PLPBP: variants seen among roughly 807,000 people sequenced by gnomAD.
The protein encoded by PLPBP is pyridoxal phosphate homeostasis protein.
A neutral mutation model predicts 31.2 loss-of-function variants in PLPBP; 21 were observed. The ratio of observed to expected loss-of-function variants is 0.67; its 90% CI spans 0.48 to 0.97. PLPBP has a LOEUF of 0.97. Ranked by LOEUF, PLPBP falls within the 50% of genes least tolerant of loss-of-function variation. The pLI is 0.00. For synonymous variants in PLPBP, 124 were observed against 135.6 expected, an observed-to-expected ratio of 0.91 and a Z score of 0.59; for missense variants, 308 against 354.4, an observed-to-expected ratio of 0.87 and a Z score of 1.05.
intron 5 of PLPBP, 81 bp from the exon 6 acceptor site, chr8:37,775,258 C>A: frequency 6.5e-7 from 1 of 1,533,524 alleles, no homozygotes; most frequent in South Asian, 1.1e-5. Context: ...CCTCTTCTGT[C>A]GTAAGGAAGG....
At chr8:37,773,390 G>C (rs1178385225) in intron 5 of PLPBP, among the ~76,000 whole-genome samples, 1 of 151,222 alleles carries the variant, frequency 6.6e-6, no homozygotes, top group East Asian at 2.0e-4. Flanking sequence ...CTGCTCTCGA[G>C]CTCATGACCT....
chr8:37,776,840 C>T (rs1803926575), intron 7 of PLPBP, among the ~76,000 whole-genome samples: 1 of 152,118 alleles, frequency 6.6e-6, no homozygotes. Context: ...GATCTCAGCT[C>T]ACTGTAACCT....
chr8:37,777,931 A>G, intron 7 of PLPBP, 42 bp from the exon 8 acceptor site: 1 of 1,582,998 alleles, frequency 6.3e-7, no homozygotes, highest in African/African-American at 1.3e-5. Context: ...CCATTTTATT[A>G]TTTTAAACCT....
At position 37,775,456 on chromosome 8, in the gene PLPBP, G is replaced by A. The variant is rs1266351424; in HGVS notation, c.572G>A (p.Ser191Asn). Residue 191 changes from serine to asparagine, a missense_variant, in exon 6 of 8, where the codon AGT becomes AAT. Physicochemically the swap from Ser to Asn is conservative, Grantham distance 46 (BLOSUM62 1). Coordinates refer to ENST00000328195, the MANE Select transcript of PLPBP (RefSeq NM_007198.4). ...ATAGGAAGCTTTGGGCATGATCTTA[G>A]TCAAGGACCAAATCCAGACTTCCAG... ...MTIGSFGHDL[S>N]QGPNPDFQLL... 5.0e-6 allele frequency: 8 copies of A among 1,614,022 alleles called. No homozygotes were observed. The highest frequency in any genetic ancestry group is 6.8e-6 in the Non-Finnish European group (8 of 1,180,058).
chr8:37,763,078 C>T, intron 1 of PLPBP, among the ~76,000 whole-genome samples: 1 of 152,144 alleles, frequency 6.6e-6, no homozygotes. Flanking sequence ...GGGGGCCAGG[C>T]CTGTGCCCAC....
intron 7 of PLPBP, among the ~76,000 whole-genome samples, chr8:37,776,606 T>C (rs901013443): frequency 4.6e-5 from 7 of 151,386 alleles, no homozygotes; most frequent in African/African-American, 1.7e-4. Context: ...AAGAAATTAA[T>C]TATAATTATA....
intron 7 of PLPBP, among the ~76,000 whole-genome samples, chr8:37,777,249 T>C (rs761071146): frequency 2.0e-5 from 3 of 152,256 alleles, no homozygotes; most frequent in Non-Finnish European, 2.9e-5. Context: ...ATTGTATTTC[T>C]TAAAACAGTG....
Position 37,766,951 on chromosome 8 carries a change from G to A in PLPBP, c.319+596G>A, listed in dbSNP as rs149592463. Reference sequence around the variant, plus strand: ...AGTCCCAGCTACACAGGAGGCTGACGCAGGAGAATCGCATGAACCCGGGAG... The same window carrying A: ...AGTCCCAGCTACACAGGAGGCTGACACAGGAGAATCGCATGAACCCGGGAG... On this transcript the variant is annotated intron_variant, in intron 4 of 7. Transcript: ENST00000328195. Among the ~76,000 whole-genome samples, 734 of 148,472 alleles carry A rather than the reference G, an allele frequency of 4.9e-3. 8 individuals are homozygous for A. The highest frequency in any genetic ancestry group is 0.031 in the South Asian group (145 of 4,698).
rs1803979159 is a variant in PLPBP, at chr8:37,778,620, G to T, written c.*516G>T. ...AGATATTCCCAACTGTGGAATGGCA[G>T]TGTAGGTAGCTTCAGGAAATGGCTC... On this transcript the variant is annotated 3_prime_UTR_variant, in exon 8 of 8. Coordinates refer to ENST00000328195, the MANE Select transcript of PLPBP (RefSeq NM_007198.4). 6.6e-6 allele frequency: 1 copy of T among 152,482 alleles called. No individual in the cohort carries two copies. Among genetic ancestry groups the T allele is most frequent in the Non-Finnish European group, 1.5e-5 (1 of 68,270 alleles). 9.4% of individuals were successfully genotyped at this position (152,482 alleles called of 1,614,324 possible).
Position 37,768,059 on chromosome 8 carries a change from C to G in PLPBP, c.319+1704C>G, listed in dbSNP as rs530801984. Among the ~76,000 whole-genome samples the G allele has an allele frequency of 8.3e-4, 127 of 152,176 alleles. 1 individual carries two copies. The highest frequency in any genetic ancestry group is 5.9e-5 in the Non-Finnish European group (4 of 67,992). On this transcript the variant is annotated intron_variant, in intron 4 of 7. Transcript: ENST00000328195. ...TGACCTTGTGATCCACCCGCCTCAGCCTCCGAAAGTGCTAGGATTGCAGGC... is the reference window on the plus strand; with the variant it reads ...TGACCTTGTGATCCACCCGCCTCAGGCTCCGAAAGTGCTAGGATTGCAGGC...
chr8:37,772,785 T>C lies in PLPBP; in HGVS notation c.350T>C (p.Val117Ala), dbSNP rs1326621819. ...AVPNLFMLET[V>A]DSVKLADKVN... ...CCCAATCTCTTCATGCTGGAAACAGTGGATTCTGTGAAGTTGGCAGACAAA... is the reference window on the plus strand; with the variant it reads ...CCCAATCTCTTCATGCTGGAAACAGCGGATTCTGTGAAGTTGGCAGACAAA... The change falls in exon 5 of 8, where the codon GTG becomes GCG. Residue 117 changes from valine (V) to alanine (A), a missense_variant. Val to Ala is a moderately conservative substitution (Grantham distance 64). Transcript: ENST00000328195. 1.2e-6 allele frequency: 2 copies of C among 1,614,194 alleles called. No individual in the cohort carries two copies. The highest frequency in any genetic ancestry group is 1.7e-5 in the Admixed American group (1 of 60,018).
intron 4 of PLPBP, among the ~76,000 whole-genome samples, chr8:37,771,129 T>TA (rs1803759053): frequency 1.3e-5 from 2 of 151,970 alleles, no homozygotes; most frequent in African/African-American, 4.8e-5. Context: ...GCCAAATACA[T>TA]ATATGTATAT....
Position 37,762,697 on chromosome 8 carries a change from T to C in PLPBP, c.38T>C (p.Val13Ala). 1 of 1,589,242 alleles carries C rather than the reference T, an allele frequency of 6.3e-7. No homozygotes were observed. Residue 13 changes from valine (V) to alanine (A), a missense_variant, in exon 1 of 8, where the codon GTC becomes GCC. Val to Ala is a moderately conservative substitution (Grantham distance 64). Transcript: ENST00000328195. ...RAGSMSAELG[V>A]GCALRAVNER... ...GGCAGCATGTCGGCCGAGCTGGGAG[T>C]CGGGTGCGCATTGCGGGCGGTGAAC...
chr8:37,762,867 G>A, intron 1 of PLPBP, 109 bp downstream of exon 1: 2 of 1,390,218 alleles, frequency 1.4e-6, no homozygotes, highest in South Asian at 1.4e-5. Flanking sequence ...AGAGAGGCGG[G>A]ACTGGTCGGC....
intron 5 of PLPBP, chr8:37,774,821 T>C (rs964257828): frequency 1.3e-5 from 2 of 153,828 alleles, no homozygotes; most frequent in African/African-American, 2.4e-5. Context: ...ATAGCTCTTA[T>C]AACTGTATAA....
chr8:37,763,428 CAG>C (rs1803537475), intron 1 of PLPBP, among the ~76,000 whole-genome samples: 1 of 152,220 alleles, frequency 6.6e-6, no homozygotes, highest in African/African-American at 2.4e-5. Flanking sequence ...CGGACCTTAA[CAG>C]AGAGGTCACA....
rs368342743 is a variant in PLPBP at position 37,765,441 on chromosome 8, GTCTATCCTACAGGA to G, written c.100-75_100-62del. 1,506 of 1,291,810 alleles carry G rather than the reference GTCTATCCTACAGGA, an allele frequency of 1.2e-3. 12 individuals carry two copies. In the African/African-American group the frequency reaches 0.019, roughly 17 times the overall value. The allele number at this position is 1,291,810 out of a possible 1,614,324, so 80.0% of individuals were successfully genotyped here. ...TAATGCCAAGTTGAGATCAATGCCT[GTCTATCCTACAGGA>G]TCTATCCTATGGGATTCATTGGGGT... On this transcript the variant is annotated intron_variant, in intron 1 of 7. Coordinates refer to ENST00000328195, the MANE Select transcript of PLPBP (RefSeq NM_007198.4).
chr8:37,763,021 C>G (rs899645118), intron 1 of PLPBP, among the ~76,000 whole-genome samples: 1 of 152,186 alleles, frequency 6.6e-6, no homozygotes, highest in Admixed American at 6.5e-5. Flanking sequence ...GTCGTGGCCA[C>G]TTGCGCACCG....
chr8:37,778,277 A>G lies in PLPBP; in HGVS notation c.*173A>G. The G allele has an allele frequency of 1.5e-6, 1 of 686,788 alleles. No homozygotes were observed. The highest frequency in any genetic ancestry group is 2.2e-6 in the Non-Finnish European group (1 of 450,500). The allele number at this position is 686,788 out of a possible 1,614,324, so 42.5% of individuals were successfully genotyped here. A position where few individuals can be genotyped will look rare whatever the true frequency, so the allele number is the denominator to read the frequency against. ...CTGACATAGGAAGCTTGCTTCAGGC[A>G]ATGGCTTTGGATTGAGTTTGAGAAA... On this transcript the variant is annotated 3_prime_UTR_variant, in exon 8 of 8. Transcript: ENST00000328195.
Sources: gnomAD v4.1 joint callset for allele counts (sites outside exome capture counted in the v4.1 genomes callset) on GRCh38, gnomAD v4.1.1 for gene constraint, MANE v1.5 for transcripts, NCBI Gene and HGNC (gene_info 2026-07-23, HGNC 2026-07-21) for gene names.